The following GRB10 variants were observed in gnomAD, a reference collection of about 807,000 sequenced individuals.
GRB10 encodes growth factor receptor bound protein 10.
In GRB10, 20 loss-of-function variants were observed where a neutral mutation model predicts 80.9. The observed-to-expected ratio is 0.25, with a 90% CI of 0.17 to 0.36. GRB10 has a LOEUF of 0.36. Among genes scored for constraint, GRB10 ranks in the 10% least tolerant of loss-of-function variants. GRB10 has a pLI of 1.00. For synonymous variants in GRB10, 291 were observed against 291.5 expected (o/e 1.00, Z 0.02); for missense variants, 548 against 747.7 (o/e 0.73, Z 3.12).
intron 5 of GRB10, among the ~76,000 whole-genome samples, chr7:50,698,049 T>C (rs1169052748): frequency 6.6e-6 from 1 of 152,260 alleles, no homozygotes; most frequent in Non-Finnish European, 1.5e-5. Context: ...TCCATTTTTC[T>C]TGTGAAATGA....
chr7:50,662,325 G>A (rs2059361241), intron 7 of GRB10, among the ~76,000 whole-genome samples: 2 of 152,318 alleles, frequency 1.3e-5, no homozygotes, highest in Non-Finnish European at 1.5e-5. Flanking sequence ...AGGAAACCGA[G>A]GCTCCCTGAT....
intron 5 of GRB10, among the ~76,000 whole-genome samples, chr7:50,694,730 G>A (rs938117027): frequency 6.6e-6 from 1 of 152,154 alleles, no homozygotes; most frequent in Non-Finnish European, 1.5e-5. Flanking sequence ...GCACCTGTTA[G>A]TAGGAAAATT....
At chr7:50,763,996 C>T (rs2076062708) in intron 2 of GRB10, among the ~76,000 whole-genome samples, 1 of 152,280 alleles carries the variant, frequency 6.6e-6, no homozygotes, top group East Asian at 1.9e-4. Flanking sequence ...TCCAGGCTGC[C>T]CAGACACTGC....
intron 8 of GRB10, among the ~76,000 whole-genome samples, chr7:50,625,469 G>A (rs2052708155): frequency 6.6e-6 from 1 of 152,064 alleles, no homozygotes; most frequent in Non-Finnish European, 1.5e-5. Flanking sequence ...TAATTTCCAA[G>A]TTACTTGTGT....
chr7:50,777,558 C>CTT (rs201208024), intron 2 of GRB10, among the ~76,000 whole-genome samples: 2 of 147,394 alleles, frequency 1.4e-5, no homozygotes, highest in Admixed American at 6.8e-5. Context: ...CTCAATACAG[C>CTT]TTTTTTTTTT....
At chr7:50,614,438 T>C (rs1309562393) in intron 12 of GRB10, among the ~76,000 whole-genome samples, 1 of 151,774 alleles carries the variant, frequency 6.6e-6, no homozygotes, top group African/African-American at 2.4e-5. Context: ...AGGCTGGGGG[T>C]CCCCTCCCTT....
chr7:50,611,086 G>C (rs1169610081), intron 13 of GRB10, among the ~76,000 whole-genome samples: 1 of 151,822 alleles, frequency 6.6e-6, no homozygotes, highest in East Asian at 1.9e-4. Context: ...CCTGGCCGCT[G>C]CCCCTATCTG....
upstream of GRB10, among the ~76,000 whole-genome samples, chr7:50,783,215 C>T (rs1337395718): frequency 1.3e-5 from 2 of 152,232 alleles, no homozygotes; most frequent in Non-Finnish European, 2.9e-5. Flanking sequence ...TCTACTCTTC[C>T]AGGATCACTC....
chr7:50,752,451 A>G (rs2074273921), intron 3 of GRB10, among the ~76,000 whole-genome samples: 1 of 152,194 alleles, frequency 6.6e-6, no homozygotes, highest in Admixed American at 6.5e-5. Context: ...GAAAGGTGAA[A>G]GGCATACCAT....
intron 7 of GRB10, among the ~76,000 whole-genome samples, chr7:50,657,450 G>C (rs1275417474): frequency 6.6e-6 from 1 of 152,158 alleles, no homozygotes; most frequent in East Asian, 1.9e-4. Context: ...ACCAGGGACT[G>C]TGTGAGCGGA....
At chr7:50,612,174 A>T (rs1487354954) in intron 13 of GRB10, among the ~76,000 whole-genome samples, 2 of 152,228 alleles carry the variant, frequency 1.3e-5, no homozygotes, top group African/African-American at 2.4e-5. Context: ...TGTATAATTC[A>T]TCATGTTTAC....
chr7:50,605,323 C>T lies in GRB10; in HGVS notation c.1356G>A (p.Gln452=). 1 of 1,614,140 alleles carries T rather than the reference C, an allele frequency of 6.2e-7. No homozygotes were observed. Among genetic ancestry groups the T allele is most frequent in the Non-Finnish European group, 8.5e-7 (1 of 1,180,026 alleles). ...CGTGGCCCTCCTCCAGGGCTGCGCT[C>T]TGGGCCTCTGCCGGATTCTCTATCA... The part of the protein sequence containing the change: ...GRVIENPAEA[Q]SAALEEGHAW... The change falls in exon 15 of 19, where the codon CAG becomes CAA. Residue 452 remains glutamine (Q), a synonymous_variant. Transcript: ENST00000401949.
intron 7 of GRB10, among the ~76,000 whole-genome samples, chr7:50,632,561 C>T (rs1391483375): frequency 1.3e-5 from 2 of 152,206 alleles, no homozygotes; most frequent in East Asian, 1.9e-4. Flanking sequence ...CTTAGTGAGA[C>T]CAGACCCAGA....
intron 7 of GRB10, chr7:50,645,615 C>T (rs759734293): frequency 2.0e-6 from 2 of 985,406 alleles, no homozygotes; most frequent in African/African-American, 1.7e-5. Context: ...CCTCCAATCG[C>T]CCGGAGTTCT....
chr7:50,593,049 T>A lies in GRB10; in HGVS notation c.1688A>T (p.Lys563Ile). 2 of 1,614,164 alleles carry A rather than the reference T, an allele frequency of 1.2e-6. No homozygotes were observed. Among genetic ancestry groups the A allele is most frequent in the Non-Finnish European group, 1.7e-6 (2 of 1,180,030 alleles). ...AACCAGCTGGATCAGGTCAGAGAAT[T>A]TGGTGTTCCCGTCATCTAGGCTGAA... The part of the protein sequence containing the change: ...TFFSLDDGNT[K>I]FSDLIQLVDF... Residue 563 changes from lysine to isoleucine, a missense_variant, in exon 19 of 19, where the codon AAA (lysine) becomes ATA (isoleucine). Physicochemically the swap from Lys to Ile is moderately radical, Grantham distance 102. Coordinates refer to ENST00000401949, the MANE Select transcript of GRB10 (RefSeq NM_001350814.2).
chr7:50,634,606 A>T (rs749181290), intron 7 of GRB10, among the ~76,000 whole-genome samples: 8 of 152,222 alleles, frequency 5.3e-5, no homozygotes, highest in South Asian at 2.1e-4. Context: ...CAAACTGGAT[A>T]AAAAAACAAG....
At position 50,626,892 on chromosome 7, in the gene GRB10, C is replaced by T. The variant is rs769826357; in HGVS notation, c.591G>A (p.Leu197=). Residue 197 remains leucine (L), a synonymous_variant, in exon 8 of 19, where the codon CTG becomes CTA. Coordinates refer to ENST00000401949, the MANE Select transcript of GRB10 (RefSeq NM_001350814.2). Reference sequence around the variant, plus strand: ...CATCCACACAGTGACTTTTGTAAACCAGCAATTGGCACAGGTCTCTGGCTG... The same window carrying T: ...CATCCACACAGTGACTTTTGTAAACTAGCAATTGGCACAGGTCTCTGGCTG... ...DMTARDLCQL[L]VYKSHCVDDN... 5.0e-6 allele frequency: 8 copies of T among 1,614,050 alleles called. No individual in the cohort carries two copies. The African/African-American group carries it at 9.3e-5, about 19-fold the overall frequency.
Position 50,764,378 on chromosome 7 carries a change from C to T in GRB10, c.-216-8322G>A, listed in dbSNP as rs117901923. 4.2e-3 allele frequency among the ~76,000 whole-genome samples: 644 copies of T among 152,308 alleles called. 10 individuals carry two copies. Among genetic ancestry groups the T allele is most frequent in the South Asian group, 8.3e-3 (40 of 4,828 alleles). On this transcript the variant is annotated intron_variant, in intron 2 of 18. Coordinates refer to ENST00000401949, the MANE Select transcript of GRB10 (RefSeq NM_001350814.2). Reference sequence around the variant, plus strand: ...TCCCAAGAAGAGGTAGCTCTGAGGCCGAGAACTCTATCTGTCCTGACTACT... The same window carrying T: ...TCCCAAGAAGAGGTAGCTCTGAGGCTGAGAACTCTATCTGTCCTGACTACT...
chr7:50,786,467 G>GAA (rs2078698574), upstream of GRB10, among the ~76,000 whole-genome samples: 2 of 152,118 alleles, frequency 1.3e-5, no homozygotes, highest in Admixed American at 1.3e-4. Flanking sequence ...TATCCTACAA[G>GAA]TGTCCAGACA....
Sources: allele counts gnomAD v4.1 joint callset (sites outside exome capture counted in the v4.1 genomes callset), GRCh38; gene constraint gnomAD v4.1.1; transcripts MANE v1.5; gene names NCBI Gene and HGNC (gene_info 2026-07-23, HGNC 2026-07-21).